The following SUGCT variants were observed in gnomAD, a reference collection of about 807,000 sequenced individuals.
SUGCT encodes succinyl-CoA:glutarate CoA-transferase.
A neutral mutation model predicts 55.0 loss-of-function variants in SUGCT; 41 were observed. That is an observed-to-expected ratio of 0.74 (90% CI 0.58 to 0.97). The LOEUF is 0.97. Among genes scored for constraint, SUGCT ranks in the 50% least tolerant of loss-of-function variants. SUGCT has a pLI of 0.00. For missense variants in SUGCT, 568 were observed against 547.8 expected (o/e 1.04, Z -0.37); for synonymous variants, 187 against 200.4 (o/e 0.93, Z 0.56).
chr7:40,667,911 G>A (rs1283936127), intron 12 of SUGCT, among the ~76,000 whole-genome samples: 1 of 152,106 alleles, frequency 6.6e-6, no homozygotes, highest in Non-Finnish European at 1.5e-5. Flanking sequence ...TCAACCCTTT[G>A]TATGGATTTG....
At chr7:40,384,935 A>AGGCTCTG (rs1405875990) in intron 9 of SUGCT, among the ~76,000 whole-genome samples, 1 of 152,156 alleles carries the variant, frequency 6.6e-6, no homozygotes, top group Non-Finnish European at 1.5e-5. Flanking sequence ...AAACAAAGAT[A>AGGCTCTG]GGCTCTTTTC....
At chr7:40,378,404 T>C (rs1020196704) in intron 9 of SUGCT, among the ~76,000 whole-genome samples, 2 of 152,222 alleles carry the variant, frequency 1.3e-5, no homozygotes, top group East Asian at 1.9e-4. Context: ...TATTGAGTCC[T>C]GGTGATTTTA....
chr7:40,575,856 A>G (rs1361268182), intron 12 of SUGCT, among the ~76,000 whole-genome samples: 2 of 151,818 alleles, frequency 1.3e-5, no homozygotes, highest in Non-Finnish European at 2.9e-5. Context: ...GAGGCAGGAG[A>G]ATTGCTTGAA....
intron 11 of SUGCT, among the ~76,000 whole-genome samples, chr7:40,476,684 G>A (rs1434904549): frequency 1.3e-5 from 2 of 151,656 alleles, no homozygotes; most frequent in Non-Finnish European, 1.5e-5. Context: ...GGCATTTAGG[G>A]CATTTAAAAT....
intron 8 of SUGCT, among the ~76,000 whole-genome samples, chr7:40,290,202 A>T (rs542021956): frequency 6.6e-6 from 1 of 152,334 alleles, no homozygotes; most frequent in Admixed American, 6.5e-5. Flanking sequence ...CGCCAAGTCA[A>T]TCCTAAGCCA....
downstream of SUGCT, among the ~76,000 whole-genome samples, chr7:40,863,682 G>A (rs541863097): frequency 6.6e-6 from 1 of 152,220 alleles, no homozygotes; most frequent in Admixed American, 6.5e-5. Flanking sequence ...CAAACCCATT[G>A]CCCAAGATTA....
At chr7:40,175,865 C>T (rs1584258476) in intron 1 of SUGCT, among the ~76,000 whole-genome samples, 1 of 152,006 alleles carries the variant, frequency 6.6e-6, no homozygotes, top group South Asian at 2.1e-4. Flanking sequence ...TCAAATTTTC[C>T]TGCATCTGTG....
rs1562788594 is a variant in SUGCT at position 40,139,152 on chromosome 7, AAATAAAT to A, written c.100+4035_100+4041del. Among the ~76,000 whole-genome samples the A allele has an allele frequency of 4.1e-5, 6 of 147,470 alleles. No homozygotes were observed. In the East Asian group the frequency reaches 1.2e-3, roughly 29 times the overall value. ...AAAATAAATAAATAAATAAATAAAT[AAATAAAT>A]AAATAAATAAATAAATAAATCCAGG... On this transcript the variant is annotated intron_variant, in intron 1 of 13. Coordinates refer to ENST00000335693, the MANE Select transcript of SUGCT (RefSeq NM_001193313.2).
intron 11 of SUGCT, among the ~76,000 whole-genome samples, chr7:40,463,264 C>G (rs1178521144): frequency 6.6e-6 from 1 of 152,156 alleles, no homozygotes; most frequent in African/African-American, 2.4e-5. Context: ...AAAACAAACT[C>G]TAGGAATGAT....
chr7:40,225,454 A>T (rs1389735618), intron 6 of SUGCT, among the ~76,000 whole-genome samples: 169 of 119,242 alleles, frequency 1.4e-3, no homozygotes, highest in African/African-American at 5.4e-3. Context: ...TTTTTTTTTG[A>T]GGTGGGGAGT....
chr7:40,560,041 G>A (rs998676461), intron 12 of SUGCT, among the ~76,000 whole-genome samples: 4 of 152,208 alleles, frequency 2.6e-5, no homozygotes, highest in East Asian at 1.9e-4. Context: ...AGGCAAAAGG[G>A]TAGTTTGCTA....
chr7:40,984,513 A>G, the SUGCT span, among the ~76,000 whole-genome samples: 1 of 152,102 alleles, frequency 6.6e-6, no homozygotes, highest in African/African-American at 2.4e-5. Context: ...CTGCCAGTTT[A>G]TGGAGTATCT....
intron 1 of SUGCT, among the ~76,000 whole-genome samples, chr7:40,162,732 C>T (rs1466091494): frequency 6.6e-6 from 1 of 152,198 alleles, no homozygotes; most frequent in Non-Finnish European, 1.5e-5. Context: ...AAGTGACACT[C>T]CCACCTTGGC....
the SUGCT span, among the ~76,000 whole-genome samples, chr7:40,988,092 G>A: frequency 5.9e-5 from 9 of 151,718 alleles, no homozygotes; most frequent in East Asian, 1.7e-3. Flanking sequence ...CAAAGAGCAT[G>A]GCATATGTAA....
chr7:40,942,343 A>C, the SUGCT span, among the ~76,000 whole-genome samples: 2 of 152,162 alleles, frequency 1.3e-5, no homozygotes, highest in African/African-American at 4.8e-5. Context: ...TGGATACAAA[A>C]TTATTGGCTG....
chr7:40,354,611 A>G (rs1396175062), intron 9 of SUGCT, among the ~76,000 whole-genome samples: 1 of 150,806 alleles, frequency 6.6e-6, no homozygotes, highest in Non-Finnish European at 1.5e-5. Context: ...CACTGAATAA[A>G]GTAGAGAAGG....
intron 8 of SUGCT, among the ~76,000 whole-genome samples, chr7:40,275,939 T>C (rs1326149330): frequency 6.6e-6 from 1 of 152,222 alleles, no homozygotes; most frequent in Admixed American, 6.5e-5. Context: ...ATATCTGATT[T>C]GTGCAAGGAG....
chr7:40,239,363 G>A (rs536539518), intron 7 of SUGCT, among the ~76,000 whole-genome samples: 1 of 152,296 alleles, frequency 6.6e-6, no homozygotes, highest in East Asian at 1.9e-4. Context: ...ATGAGCTGCT[G>A]TACCCTGCTG....
At chr7:40,850,421 A>C (rs1292892462) in intron 13 of SUGCT, among the ~76,000 whole-genome samples, 1 of 152,222 alleles carries the variant, frequency 6.6e-6, no homozygotes, top group Non-Finnish European at 1.5e-5. Flanking sequence ...GTCTGTAGTA[A>C]GTGCATGTTA....
Sources: allele counts gnomAD v4.1 joint callset (sites outside exome capture counted in the v4.1 genomes callset), GRCh38; gene constraint gnomAD v4.1.1; transcripts MANE v1.5; gene names NCBI Gene and HGNC (gene_info 2026-07-23, HGNC 2026-07-21).